ADGRL2: variants seen among roughly 807,000 people sequenced by gnomAD.
ADGRL2 encodes the protein adhesion G protein-coupled receptor L2.
ADGRL2 carries 44 observed loss-of-function variants against 157.4 expected under a neutral mutation model. The ratio of observed to expected loss-of-function variants is 0.28; its 90% CI spans 0.22 to 0.36. ADGRL2 has a LOEUF of 0.36. ADGRL2 is among the 10% of genes least tolerant of loss of function. The pLI is 1.00. For missense variants in ADGRL2, 1,510 were observed against 1,768.9 expected (o/e 0.85, Z 2.63); for synonymous variants, 585 against 624.7 (o/e 0.94, Z 0.95).
At chr1:81,637,459 C>T (rs1189186088) in intron 3 of ADGRL2, among the ~76,000 whole-genome samples, 1 of 152,056 alleles carries the variant, frequency 6.6e-6, no homozygotes, top group East Asian at 1.9e-4. Flanking sequence ...CTTAGCACAG[C>T]TGAAAAACAA....
chr1:81,408,560 C>T (rs1289755009), intron 1 of ADGRL2, among the ~76,000 whole-genome samples: 1 of 152,130 alleles, frequency 6.6e-6, no homozygotes, highest in Non-Finnish European at 1.5e-5. Flanking sequence ...TGTTCGCGTG[C>T]CTAGACTTGT....
At chr1:81,770,863 T>A (rs960450760) in intron 2 of ADGRL2, among the ~76,000 whole-genome samples, 1 of 152,194 alleles carries the variant, frequency 6.6e-6, no homozygotes. Flanking sequence ...TTAAATTATA[T>A]ATGTGTAGTT....
chr1:81,713,958 C>T (rs1277866992), intron 1 of ADGRL2, among the ~76,000 whole-genome samples: 1 of 152,138 alleles, frequency 6.6e-6, no homozygotes, highest in Admixed American at 6.6e-5. Context: ...CTGGGGAGGC[C>T]TCACAATCAT....
intron 2 of ADGRL2, among the ~76,000 whole-genome samples, chr1:81,499,747 T>C (rs367782733): frequency 6.6e-6 from 1 of 152,174 alleles, no homozygotes; most frequent in Non-Finnish European, 1.5e-5. Context: ...ACATGCAGAA[T>C]TGGGTGTCAA....
At chr1:81,918,919 T>C (rs1291329139) in intron 3 of ADGRL2, among the ~76,000 whole-genome samples, 4 of 152,174 alleles carry the variant, frequency 2.6e-5, no homozygotes, top group African/African-American at 9.6e-5. Context: ...CACTTTGGTA[T>C]CTAATTTTCT....
chr1:81,775,110 A>G (rs1378627236), intron 2 of ADGRL2, among the ~76,000 whole-genome samples: 2 of 152,230 alleles, frequency 1.3e-5, no homozygotes, highest in African/African-American at 2.4e-5. Context: ...GACAACATAC[A>G]GTTCACCTTG....
At chr1:81,619,977 T>C (rs2081754739) in intron 3 of ADGRL2, among the ~76,000 whole-genome samples, 1 of 152,180 alleles carries the variant, frequency 6.6e-6, no homozygotes. Flanking sequence ...CGGGTTGTTT[T>C]GGTGATTTAG....
At chr1:81,508,540 T>C (rs2079020098) in intron 2 of ADGRL2, among the ~76,000 whole-genome samples, 2 of 152,218 alleles carry the variant, frequency 1.3e-5, no homozygotes, top group African/African-American at 4.8e-5. Flanking sequence ...CTCTGCTCCC[T>C]TGCATGCCCT....
intron 3 of ADGRL2, among the ~76,000 whole-genome samples, chr1:81,680,097 ACAG>A (rs2083077563): frequency 6.6e-6 from 1 of 152,218 alleles, no homozygotes; most frequent in Non-Finnish European, 1.5e-5. Flanking sequence ...CCGAGGCAGC[ACAG>A]CTGCCTTGAT....
intron 1 of ADGRL2, among the ~76,000 whole-genome samples, chr1:81,829,264 C>T (rs986287050): frequency 5.3e-5 from 8 of 152,058 alleles, no homozygotes; most frequent in African/African-American, 1.9e-4. Flanking sequence ...CATGGGAAGC[C>T]AAAGAATCTA....
intron 3 of ADGRL2, among the ~76,000 whole-genome samples, chr1:81,584,129 T>C (rs1478610781): frequency 1.3e-5 from 2 of 152,160 alleles, no homozygotes; most frequent in African/African-American, 2.4e-5. Context: ...TTTGCTTTTA[T>C]ATGTGCAGCA....
At chr1:81,718,365 C>G (rs182200499) in intron 1 of ADGRL2, among the ~76,000 whole-genome samples, 1 of 152,142 alleles carries the variant, frequency 6.6e-6, no homozygotes, top group Non-Finnish European at 1.5e-5. Context: ...GCAAAATCTG[C>G]CAGTTACTGA....
chr1:81,979,080 T>C (rs1158104417), intron 17 of ADGRL2, among the ~76,000 whole-genome samples: 2 of 151,660 alleles, frequency 1.3e-5, no homozygotes, highest in Non-Finnish European at 3.0e-5. Flanking sequence ...CCAACCTTTG[T>C]CTCTCAGTCA....
At chr1:81,551,303 T>C (rs982026765) in intron 2 of ADGRL2, among the ~76,000 whole-genome samples, 1 of 151,708 alleles carries the variant, frequency 6.6e-6, no homozygotes, top group African/African-American at 2.4e-5. Context: ...GGAAGATCTG[T>C]GTATCCAACA....
intron 1 of ADGRL2, among the ~76,000 whole-genome samples, chr1:81,441,748 C>T (rs576514189): frequency 6.6e-6 from 1 of 152,264 alleles, no homozygotes; most frequent in East Asian, 1.9e-4. Flanking sequence ...CTATGTTGGC[C>T]AGGCTGGTCT....
intron 2 of ADGRL2, among the ~76,000 whole-genome samples, chr1:81,482,884 C>T (rs2078419869): frequency 1.3e-5 from 2 of 151,732 alleles, no homozygotes; most frequent in African/African-American, 4.8e-5. Context: ...TTATATTTTA[C>T]AGTGAGCACA....
chr1:81,512,591 T>C (rs2079099614), intron 2 of ADGRL2, among the ~76,000 whole-genome samples: 1 of 152,186 alleles, frequency 6.6e-6, no homozygotes, highest in Non-Finnish European at 1.5e-5. Flanking sequence ...GAAATCTTAT[T>C]TGACTATTAA....
Position 81,649,395 on chromosome 1 carries a change from TA to T in ADGRL2, c.-143+68419del, listed in dbSNP as rs567001712. On this transcript the variant is annotated intron_variant, in intron 3 of 24. Coordinates refer to the ADGRL2 transcript ENST00000370721. ...TTCCTATCCCCAAGGACTTACATTT[TA>T]AAAGGTCTGTTATCTTATCCCAAGG... 1.8e-3 allele frequency among the ~76,000 whole-genome samples: 278 copies of T among 152,348 alleles called. 3 individuals are homozygous for T. The highest frequency in any genetic ancestry group is 6.5e-3 in the African/African-American group (269 of 41,580).
chr1:81,657,929 A>G (rs2082569712), intron 3 of ADGRL2, among the ~76,000 whole-genome samples: 1 of 152,128 alleles, frequency 6.6e-6, no homozygotes, highest in South Asian at 2.1e-4. Context: ...TTGTAAGGAG[A>G]CGTAAATTAC....
Sources: gnomAD v4.1 joint callset for allele counts (sites outside exome capture counted in the v4.1 genomes callset) on GRCh38, gnomAD v4.1.1 for gene constraint, MANE v1.5 for transcripts, NCBI Gene and HGNC (gene_info 2026-07-23, HGNC 2026-07-21) for gene names.